The following PDGFRL variants were observed in gnomAD, a reference collection of about 807,000 sequenced individuals.
The protein encoded by PDGFRL is platelet derived growth factor receptor like.
Under a neutral mutation model 37.2 loss-of-function variants are expected in PDGFRL, and 46 were observed. The ratio of observed to expected loss-of-function variants is 1.24; its 90% CI spans 0.98 to 1.58. PDGFRL has a LOEUF of 1.58. PDGFRL is among the 40% of genes most tolerant of loss of function. PDGFRL has a pLI of 0.00. For synonymous variants in PDGFRL, 251 were observed against 184.3 expected (o/e 1.36, Z -2.93); for missense variants, 692 against 467.6 (o/e 1.48, Z -4.43).
intron 2 of PDGFRL, among the ~76,000 whole-genome samples, chr8:17,591,640 G>C (rs1803942546): frequency 1.3e-5 from 2 of 152,352 alleles, no homozygotes; most frequent in South Asian, 4.1e-4. Context: ...GGCAGGCTGG[G>C]CACGGTGGCT....
At chr8:17,606,455 C>T (rs976210781) in intron 2 of PDGFRL, among the ~76,000 whole-genome samples, 2 of 152,134 alleles carry the variant, frequency 1.3e-5, no homozygotes, top group Non-Finnish European at 2.9e-5. Flanking sequence ...CAAAAGGAAA[C>T]GCCACCCCCA....
chr8:17,605,126 G>A lies in PDGFRL; in HGVS notation c.353+15361G>A, dbSNP rs563255157. ...AGTGAGACTCTGTCCCAGAAAGAAT[G>A]AAAGAAGGGAGAGAGAGAGACAGGG... On this transcript the variant is annotated intron_variant, in intron 2 of 5. Coordinates refer to ENST00000251630, the MANE Select transcript of PDGFRL (RefSeq NM_001372073.1). 1.2e-4 allele frequency among the ~76,000 whole-genome samples: 18 copies of A among 152,168 alleles called. No homozygotes were observed. In the South Asian group the frequency reaches 3.7e-3, roughly 32 times the overall value.
intron 2 of PDGFRL, among the ~76,000 whole-genome samples, chr8:17,600,485 C>G (rs1008517766): frequency 1.3e-5 from 2 of 152,070 alleles, no homozygotes; most frequent in African/African-American, 4.8e-5. Context: ...AGCTACCTAG[C>G]TGCCTGCTCA....
At chr8:17,600,087 G>A (rs1804135793) in intron 2 of PDGFRL, among the ~76,000 whole-genome samples, 1 of 152,120 alleles carries the variant, frequency 6.6e-6, no homozygotes, top group South Asian at 2.1e-4. Context: ...TCCCTGGGAG[G>A]AGTCTCTGTC....
At position 17,628,660 on chromosome 8, in the gene PDGFRL, A is replaced by G. The variant is rs771951812; in HGVS notation, c.679A>G (p.Met227Val). The G allele has an allele frequency of 2.5e-6, 4 of 1,614,210 alleles. No homozygotes were observed. The South Asian group carries it at 4.4e-5, about 18-fold the overall frequency. The change falls in exon 4 of 6, where the codon ATG (methionine) becomes GTG (valine). Residue 227 changes from methionine (M) to valine (V), a missense_variant. By Grantham distance (21) the Met-to-Val change is conservative. Coordinates refer to ENST00000251630, the MANE Select transcript of PDGFRL (RefSeq NM_001372073.1). ...PANGTDIVYD[M>V]KRGFVYLQPH... ...CAATGGAACGGACATTGTTTATGAC[A>G]TGAAGCGGGGCTTTGTGTATCTGCA...
intron 2 of PDGFRL, among the ~76,000 whole-genome samples, chr8:17,590,236 C>CA (rs770779669): frequency 0.1 from 3,646 of 35,582 alleles, 587 homozygotes; most frequent in African/African-American, 0.23. Flanking sequence ...GACTCCATCT[C>CA]AAAAAAAAAA....
chr8:17,637,268 T>A (rs1804990130), intron 5 of PDGFRL, among the ~76,000 whole-genome samples: 1 of 152,128 alleles, frequency 6.6e-6, no homozygotes, highest in Non-Finnish European at 1.5e-5. Context: ...CTATGCCAAT[T>A]TTGCTGAGGG....
intron 2 of PDGFRL, among the ~76,000 whole-genome samples, chr8:17,619,863 A>G (rs2588111): frequency 0.012 from 1,829 of 152,326 alleles, 43 homozygotes; most frequent in African/African-American, 0.041. Context: ...GTCTGAGGAC[A>G]ATTACATTCT....
chr8:17,640,073 A>G (rs186639146), intron 5 of PDGFRL, among the ~76,000 whole-genome samples: 7 of 152,298 alleles, frequency 4.6e-5, no homozygotes, highest in Admixed American at 3.3e-4. Context: ...TTCTATTGCT[A>G]AGACTTTCCA....
chr8:17,631,420 T>G (rs1804858905), intron 4 of PDGFRL, among the ~76,000 whole-genome samples: 1 of 152,110 alleles, frequency 6.6e-6, no homozygotes, highest in African/African-American at 2.4e-5. Context: ...GAAGTTAGAA[T>G]TTGGGTTCTG....
Position 17,629,309 on chromosome 8 carries a change from A to G in PDGFRL, c.799+529A>G, listed in dbSNP as rs537755208. On this transcript the variant is annotated intron_variant, in intron 4 of 5. Coordinates refer to ENST00000251630, the MANE Select transcript of PDGFRL (RefSeq NM_001372073.1). ...GTTCTCCTTCCTTGTTATGACCCTG[A>G]CCGAAAACCCCTCTTCTCCATTCCA... 1.4e-4 allele frequency among the ~76,000 whole-genome samples: 22 copies of G among 151,818 alleles called. No homozygotes were observed. The South Asian group carries it at 4.4e-3, about 30-fold the overall frequency.
chr8:17,611,546 C>T (rs1804412115), intron 2 of PDGFRL, among the ~76,000 whole-genome samples: 2 of 152,030 alleles, frequency 1.3e-5, no homozygotes, highest in African/African-American at 2.4e-5. Context: ...AAGAAGAGAG[C>T]GCTTCAGAGG....
intron 1 of PDGFRL, among the ~76,000 whole-genome samples, chr8:17,580,530 A>AG (rs1803684379): frequency 6.6e-6 from 1 of 152,164 alleles, no homozygotes; most frequent in Admixed American, 6.5e-5. Flanking sequence ...TGGTGGTCAG[A>AG]GGACTGATGG....
At position 17,633,376 on chromosome 8, in the gene PDGFRL, T is replaced by G. The variant is rs914917542; in HGVS notation, c.800-698T>G. Among the ~76,000 whole-genome samples, 6 of 152,166 alleles carry G rather than the reference T, an allele frequency of 3.9e-5. No homozygotes were observed. The East Asian group carries it at 1.2e-3, about 30-fold the overall frequency. On this transcript the variant is annotated intron_variant, in intron 4 of 5. Coordinates refer to ENST00000251630, the MANE Select transcript of PDGFRL (RefSeq NM_001372073.1). ...GCAGGAGTTTGAGGCTGCAGAGAGT[T>G]AAGATTGCACCACTGTTGGCAGGCG...
intron 2 of PDGFRL, among the ~76,000 whole-genome samples, chr8:17,609,861 G>T (rs1456113011): frequency 1.3e-5 from 2 of 152,034 alleles, no homozygotes; most frequent in African/African-American, 4.8e-5. Context: ...CAAGATCTCT[G>T]TAGTCTCTAC....
chr8:17,594,467 C>G (rs1364214553), intron 2 of PDGFRL, among the ~76,000 whole-genome samples: 1 of 152,044 alleles, frequency 6.6e-6, no homozygotes, highest in African/African-American at 2.4e-5. Flanking sequence ...TCTTGAATTC[C>G]TGACCTCAAC....
chr8:17,615,920 A>C (rs1161026297), intron 2 of PDGFRL, among the ~76,000 whole-genome samples: 1 of 152,170 alleles, frequency 6.6e-6, no homozygotes, highest in Admixed American at 6.5e-5. Context: ...TAAACGAATA[A>C]ACAAGATGTA....
At chr8:17,604,006 G>C (rs538059496) in intron 2 of PDGFRL, among the ~76,000 whole-genome samples, 2 of 152,250 alleles carry the variant, frequency 1.3e-5, no homozygotes, top group African/African-American at 4.8e-5. Flanking sequence ...GCGAGGGAGT[G>C]GGAAGGAGGT....
intron 2 of PDGFRL, among the ~76,000 whole-genome samples, chr8:17,593,527 A>G (rs1251877743): frequency 6.6e-6 from 1 of 151,778 alleles, no homozygotes; most frequent in Non-Finnish European, 1.5e-5. Flanking sequence ...GAGCCCAGGA[A>G]GTCAACGCTG....
Sources: allele counts gnomAD v4.1 joint callset (sites outside exome capture counted in the v4.1 genomes callset), GRCh38; gene constraint gnomAD v4.1.1; transcripts MANE v1.5; gene names NCBI Gene and HGNC (gene_info 2026-07-23, HGNC 2026-07-21).